Variants in LRRC8C observed in about 807,000 individuals in gnomAD.
LRRC8C encodes leucine rich repeat containing 8 VRAC subunit C, also known as volume-regulated anion channel subunit LRRC8C.
In LRRC8C, 20 loss-of-function variants were observed where a neutral mutation model predicts 55.3. The ratio of observed to expected loss-of-function variants is 0.36; its 90% CI spans 0.25 to 0.53. LRRC8C has a LOEUF of 0.53. Among genes scored for constraint, LRRC8C ranks in the 20% least tolerant of loss-of-function variants. LRRC8C has a pLI of 0.92. For missense variants in LRRC8C, 659 were observed against 951.4 expected, an observed-to-expected ratio of 0.69 and a Z score of 4.04; for synonymous variants, 376 against 360.7, an observed-to-expected ratio of 1.04 and a Z score of -0.48.
chr1:89,653,151 A>G (rs11580427), intron 1 of LRRC8C, among the ~76,000 whole-genome samples: 15,647 of 152,210 alleles, frequency 0.1, 1,056 homozygotes, highest in Middle Eastern at 0.22. Context: ...GGTATAGAGC[A>G]ATCATTAGCC....
intron 2 of LRRC8C, among the ~76,000 whole-genome samples, chr1:89,693,953 G>GC (rs1180884072): frequency 2.6e-5 from 4 of 151,870 alleles, no homozygotes; most frequent in African/African-American, 9.7e-5. Flanking sequence ...TACTGCACCG[G>GC]CCCAGTTGTA....
intron 1 of LRRC8C, among the ~76,000 whole-genome samples, chr1:89,684,793 TAG>T (rs1657823289): frequency 6.6e-6 from 1 of 152,336 alleles, no homozygotes; most frequent in South Asian, 2.1e-4. Context: ...GCAGAACATG[TAG>T]ATTCTACCCT....
intron 2 of LRRC8C, among the ~76,000 whole-genome samples, chr1:89,695,214 G>A (rs1658140286): frequency 2.6e-5 from 4 of 152,092 alleles, no homozygotes; most frequent in Admixed American, 6.5e-5. Flanking sequence ...GAACCACCGC[G>A]CCCGGCCCTA....
chr1:89,680,549 C>CTTTTTTTTTTTTTTTTTTTTTTTTTTTT, intron 1 of LRRC8C, among the ~76,000 whole-genome samples: 1 of 91,870 alleles, frequency 1.1e-5, no homozygotes, highest in Non-Finnish European at 1.9e-5. Context: ...TGCTTTCATG[C>CTTTTTTTTTTTTTTTTTTTTTTTTTTTT]TTTTTTTTTT....
At position 89,715,288 on chromosome 1, in the gene LRRC8C, T is replaced by G. The variant is rs1658786302; in HGVS notation, c.*306T>G. Reference sequence around the variant, plus strand: ...GGAAAGGAGGGAATTATAAGTTGCATGCTTTTTGGCATTTTTTAAATAGAG... The same window carrying G: ...GGAAAGGAGGGAATTATAAGTTGCAGGCTTTTTGGCATTTTTTAAATAGAG... On this transcript the variant is annotated 3_prime_UTR_variant, in exon 3 of 3. Coordinates refer to ENST00000370454, the MANE Select transcript of LRRC8C (RefSeq NM_032270.5). The G allele has an allele frequency of 5.2e-6, 1 of 191,858 alleles. No homozygotes were observed. Among genetic ancestry groups the G allele is most frequent in the Admixed American group, 6.0e-5 (1 of 16,746 alleles). The allele number at this position is 191,858 out of a possible 1,614,324, so 11.9% of individuals were successfully genotyped here. A position where few individuals can be genotyped will look rare whatever the true frequency, so the allele number is the denominator to read the frequency against.
At chr1:89,675,787 A>G (rs1657531518) in intron 1 of LRRC8C, among the ~76,000 whole-genome samples, 1 of 152,164 alleles carries the variant, frequency 6.6e-6, no homozygotes, top group Non-Finnish European at 1.5e-5. Flanking sequence ...CTCATGGAAG[A>G]GTGTTTCTAG....
At chr1:89,678,156 T>G (rs1310983805) in intron 1 of LRRC8C, among the ~76,000 whole-genome samples, 1 of 152,252 alleles carries the variant, frequency 6.6e-6, no homozygotes, top group Non-Finnish European at 1.5e-5. Context: ...CTTCCTACCA[T>G]GACAGTGTCA....
chr1:89,620,117 A>G, the LRRC8C span, among the ~76,000 whole-genome samples: 1 of 152,186 alleles, frequency 6.6e-6, no homozygotes, highest in Non-Finnish European at 1.5e-5. Flanking sequence ...TCTCTGCTTC[A>G]TAGATGGTAC....
At position 89,713,222 on chromosome 1, in the gene LRRC8C, G is replaced by C; in HGVS notation, c.652G>C (p.Glu218Gln). Residue 218 changes from glutamate (E) to glutamine (Q), a missense_variant, in exon 3 of 3, where the codon GAG becomes CAG. Physicochemically the swap from Glu to Gln is conservative, Grantham distance 29. Transcript: ENST00000370454. This position sits in a 1 kb window ranked among gnomAD's most constrained non-coding sequence, Gnocchi z 5.2. ...CTCTCAGTCTTTAAAGTCCATTCCT[G>C]AGAAGTTTGTAGTTGATAAATCCAC... ...VNSQSLKSIP[E>Q]KFVVDKSTAG... is the part of the protein sequence containing the mutation. The C allele has an allele frequency of 6.2e-7, 1 of 1,614,180 alleles. No homozygotes were observed. The highest frequency in any genetic ancestry group is 8.5e-7 in the Non-Finnish European group (1 of 1,180,038).
At chr1:89,705,230 A>C (rs1658441527) in intron 2 of LRRC8C, among the ~76,000 whole-genome samples, 1 of 135,442 alleles carries the variant, frequency 7.4e-6, no homozygotes, top group South Asian at 2.3e-4. Flanking sequence ...CAGTGAGAAC[A>C]CATGGACACA....
chr1:89,698,111 G>A (rs1658223576), intron 2 of LRRC8C, among the ~76,000 whole-genome samples: 1 of 152,090 alleles, frequency 6.6e-6, no homozygotes, highest in African/African-American at 2.4e-5. Flanking sequence ...CCCAAATCTG[G>A]TACTCTCTTT....
At position 89,643,212 on chromosome 1, in the gene LRRC8C, G is replaced by A. The variant is rs559826210; in HGVS notation, c.-5+9890G>A. ...ACTCAAGCCATCCTTCTACCTCACC[G>A]TCCAGAGTAGCTGGAAGCACAGGCA... On this transcript the variant is annotated intron_variant, in intron 1 of 2. Coordinates refer to ENST00000370454, the MANE Select transcript of LRRC8C (RefSeq NM_032270.5). 5.9e-5 allele frequency among the ~76,000 whole-genome samples: 9 copies of A among 152,148 alleles called. No homozygotes were observed. The East Asian group carries it at 9.7e-4, about 16-fold the overall frequency.
intron 1 of LRRC8C, among the ~76,000 whole-genome samples, chr1:89,634,346 G>A (rs1656220646): frequency 6.6e-6 from 1 of 152,140 alleles, no homozygotes; most frequent in Non-Finnish European, 1.5e-5. Context: ...TTTGGCACGG[G>A]GAGGCTTGAA....
At chr1:89,684,504 T>C (rs565699088) in intron 1 of LRRC8C, among the ~76,000 whole-genome samples, 14 of 152,254 alleles carry the variant, frequency 9.2e-5, no homozygotes, top group African/African-American at 3.4e-4. Context: ...TGGCAAGTAA[T>C]GGGGATGCAA....
Position 89,714,102 on chromosome 1 carries a change from A to T in LRRC8C, c.1532A>T (p.Tyr511Phe). 6.2e-7 allele frequency: 1 copy of T among 1,614,098 alleles called. No individual in the cohort carries two copies. Among genetic ancestry groups the T allele is most frequent in the Non-Finnish European group, 8.5e-7 (1 of 1,180,006 alleles). Residue 511 changes from tyrosine (Y) to phenylalanine (F), a missense_variant, in exon 3 of 3, where the codon TAT becomes TTT. Around this residue, in one of 5 missense-constraint regions of LRRC8C, gnomAD observed 344 missense variants for 464.6 expected, o/e 0.74. Coordinates refer to ENST00000370454, the MANE Select transcript of LRRC8C (RefSeq NM_032270.5). The surrounding 1 kb of genome is among the most constrained non-coding windows in gnomAD (Gnocchi z 4.6). ...ATGAGGGAACTCCCCCCCTGGATGT[A>T]TGGGCTCCGAAATCTGGAAGAGCTG... ...DDMRELPPWM[Y>F]GLRNLEELYL...
chr1:89,691,758 A>G (rs1258423880), intron 2 of LRRC8C, among the ~76,000 whole-genome samples: 2 of 152,218 alleles, frequency 1.3e-5, no homozygotes, highest in Admixed American at 6.5e-5. Flanking sequence ...GCACACTGCT[A>G]TCAAATATTA....
intron 1 of LRRC8C, among the ~76,000 whole-genome samples, chr1:89,675,772 G>A (rs915451032): frequency 3.3e-5 from 5 of 152,092 alleles, no homozygotes; most frequent in Admixed American, 6.5e-5. Flanking sequence ...GTGTATCCAC[G>A]CTACCTCATG....
At chr1:89,704,371 A>G (rs901599590) in intron 2 of LRRC8C, among the ~76,000 whole-genome samples, 11 of 152,182 alleles carry the variant, frequency 7.2e-5, no homozygotes, top group Non-Finnish European at 1.6e-4. Flanking sequence ...TCTTCAGTAA[A>G]TTATAGCACA....
chr1:89,696,141 A>G (rs1316561977), intron 2 of LRRC8C, among the ~76,000 whole-genome samples: 1 of 152,202 alleles, frequency 6.6e-6, no homozygotes, highest in Admixed American at 6.5e-5. Flanking sequence ...CAAATGCCCT[A>G]ATTCTGATAG....
Sources: allele counts gnomAD v4.1 joint callset (sites outside exome capture counted in the v4.1 genomes callset), GRCh38; gene constraint gnomAD v4.1.1; regional missense constraint gnomAD v4.1.1; non-coding constraint Gnocchi (gnomAD v3.1); transcripts MANE v1.5; gene names NCBI Gene and HGNC (gene_info 2026-07-23, HGNC 2026-07-21).